Variants in PINLYP observed in about 807,000 individuals in gnomAD.
PINLYP encodes the protein phospholipase A2 inhibitor and Ly6/PLAUR domain-containing protein.
Under a neutral mutation model 15.8 loss-of-function variants are expected in PINLYP, and 12 were observed. The observed-to-expected ratio is 0.76, with a 90% confidence interval of 0.49 to 1.23. The LOEUF (loss-of-function observed/expected upper bound fraction) is 1.23. PINLYP is among the 50% of genes most tolerant of loss of function. PINLYP has a pLI of 0.00. For missense variants in PINLYP, 278 were observed against 264.2 expected (o/e 1.05, Z -0.36); for synonymous variants, 93 against 97.7 (o/e 0.95, Z 0.28).
chr19:43,576,499 T>C (rs1298384881), exon 1 of PINLYP, among the ~76,000 whole-genome samples: 3 of 151,430 alleles, frequency 2.0e-5, no homozygotes, highest in East Asian at 3.9e-4. Flanking sequence ...CACACACCCC[T>C]ATCCTGGAGT....
chr19:43,578,315 C>A (rs575574828), intron 2 of PINLYP, among the ~76,000 whole-genome samples: 1 of 152,320 alleles, frequency 6.6e-6, no homozygotes, highest in East Asian at 1.9e-4. Context: ...GCTTTCTCAG[C>A]GGACCCTGGC....
chr19:43,579,919 G>C (rs1009272574), intron 3 of PINLYP, among the ~76,000 whole-genome samples: 3 of 151,754 alleles, frequency 2.0e-5, no homozygotes, highest in Non-Finnish European at 1.5e-5. Flanking sequence ...AAATGGAAGA[G>C]AGAAGATGGG....
chr19:43,577,235 T>G, exon 2 of PINLYP: 1 of 1,536,084 alleles, frequency 6.5e-7, no homozygotes, highest in South Asian at 1.2e-5. Flanking sequence ...CTGGCCTTTG[T>G]GTTGCTCTGC....
chr19:43,581,976 A>G, exon 6 of PINLYP: 1 of 1,536,330 alleles, frequency 6.5e-7, no homozygotes, highest in Non-Finnish European at 8.7e-7. Context: ...TTCCTCCATC[A>G]TATAGAGTGC....
At position 43,581,441 on chromosome 19, in the gene PINLYP, C is replaced by G. The variant is rs367760685; in HGVS notation, c.340+77C>G. ...CTGTAGCCACTTGCTGGCTCTGAGC[C>G]TGTTTCCTTACCTGTAAAATGCAGT... On this transcript the variant is annotated intron_variant, in intron 4 of 5. Transcript: ENST00000599207. 1.1e-4 allele frequency: 166 copies of G among 1,520,638 alleles called. 1 individual carries two copies. The Middle Eastern group carries it at 5.4e-3, about 50-fold the overall frequency. The allele number at this position is 1,520,638 out of a possible 1,614,324, so 94.2% of individuals were successfully genotyped here. A position where few individuals can be genotyped will look rare whatever the true frequency, so the allele number is the denominator to read the frequency against.
chr19:43,581,741 C>T, intron 5 of PINLYP, 38 bp downstream of exon 5: 1 of 1,535,624 alleles, frequency 6.5e-7, no homozygotes, highest in Non-Finnish European at 8.7e-7. Flanking sequence ...GGAAACAGAA[C>T]TAGAGGTCCA....
chr19:43,577,929 T>C (rs559503426), intron 2 of PINLYP, among the ~76,000 whole-genome samples: 1 of 152,190 alleles, frequency 6.6e-6, no homozygotes, highest in South Asian at 2.1e-4. Context: ...ATTAATATCA[T>C]ATGATATATT....
chr19:43,580,768 A>G, intron 3 of PINLYP: 1 of 877,798 alleles, frequency 1.1e-6, no homozygotes. Context: ...GCCATGCACC[A>G]GACAGATTTG....
chr19:43,578,598 C>G, exon 3 of PINLYP: 1 of 1,535,636 alleles, frequency 6.5e-7, no homozygotes, highest in Non-Finnish European at 8.7e-7. Flanking sequence ...AGGGTGCCCA[C>G]TACACTGCGA....
At chr19:43,579,516 G>T (rs1306956751) in intron 3 of PINLYP, among the ~76,000 whole-genome samples, 1 of 151,372 alleles carries the variant, frequency 6.6e-6, no homozygotes, top group Non-Finnish European at 1.5e-5. Flanking sequence ...CAAAGTGCTG[G>T]GATTACAGGC....
At position 43,577,343 on chromosome 19, in the gene PINLYP, GAGAA is replaced by G. The variant is rs2146079949; in HGVS notation, c.70+86_70+89del. 1.4e-5 allele frequency: 19 copies of G among 1,384,632 alleles called. 1 individual carries two copies. In the South Asian group the frequency reaches 2.1e-4, roughly 15 times the overall value. 85.8% of individuals were successfully genotyped at this position (1,384,632 alleles called of 1,614,324 possible). On this transcript the variant is annotated intron_variant, in intron 2 of 5. Transcript: ENST00000599207. The stretch of plus-strand genomic sequence containing the variant: ...ATTGAGAGAGAGAGAGATATAGAGA[GAGAA>G]AGAGCCTTCAGCAAGTCCTCAAGGT...
intron 3 of PINLYP, chr19:43,580,743 A>G: frequency 6.7e-6 from 6 of 896,956 alleles, no homozygotes; most frequent in Non-Finnish European, 8.0e-6. Context: ...AGGGCTACCT[A>G]AGAAAGCACT....
At position 43,577,169 on chromosome 19, in the gene PINLYP, C is replaced by T; in HGVS notation, c.-23C>T. ...TCAGCTTCCTATAAAAGCTGGGGACCAGGTACTGCTGATACACACACCATG... is the reference window on the plus strand; with the variant it reads ...TCAGCTTCCTATAAAAGCTGGGGACTAGGTACTGCTGATACACACACCATG... On this transcript the variant is annotated 5_prime_UTR_variant, in exon 2 of 6. It introduces an in-frame stop codon into an upstream open reading frame of the 5' UTR. Transcript: ENST00000599207. 1 of 1,536,038 alleles carries T rather than the reference C, an allele frequency of 6.5e-7. No homozygotes were observed. Among genetic ancestry groups the T allele is most frequent in the Non-Finnish European group, 8.7e-7 (1 of 1,146,872 alleles).
chr19:43,578,142 G>C (rs1298685376), intron 2 of PINLYP, among the ~76,000 whole-genome samples: 2 of 151,986 alleles, frequency 1.3e-5, no homozygotes, highest in Non-Finnish European at 2.9e-5. Context: ...TCCTTGACCT[G>C]GGATGCAGAC....
At chr19:43,577,749 A>G (rs1428519502) in intron 2 of PINLYP, among the ~76,000 whole-genome samples, 1 of 147,092 alleles carries the variant, frequency 6.8e-6, no homozygotes, top group East Asian at 1.9e-4. Context: ...CTAAAAATAC[A>G]AAAAAAGTTA....
chr19:43,581,056 G>A (rs1972924636), intron 3 of PINLYP, 156 bp from the exon 4 acceptor site: 2 of 941,018 alleles, frequency 2.1e-6, no homozygotes, highest in Non-Finnish European at 3.0e-6. Context: ...GGGCAACTCC[G>A]TCTAAAAAAA....
chr19:43,578,648 G>A, exon 3 of PINLYP: 1 of 1,535,986 alleles, frequency 6.5e-7, no homozygotes, highest in South Asian at 1.2e-5. Context: ...ATGGCCAAAT[G>A]AAGACCTGCA....
chr19:43,579,013 G>A (rs1453898011), intron 3 of PINLYP: 2 of 319,312 alleles, frequency 6.3e-6, no homozygotes, highest in African/African-American at 2.2e-5. Flanking sequence ...CACTGTGGGG[G>A]GCAGAGAAAT....
At chr19:43,575,533 G>T, upstream of PINLYP, 1 of 1,512,926 alleles carries the variant, frequency 6.6e-7, no homozygotes, top group South Asian at 1.2e-5. Context: ...AGAGTGGGAG[G>T]GGGCGGGGTG....
Sources: gnomAD v4.1 joint callset for allele counts (sites outside exome capture counted in the v4.1 genomes callset) on GRCh38, gnomAD v4.1.1 for gene constraint, MANE v1.5 for transcripts, NCBI Gene and HGNC (gene_info 2026-07-23, HGNC 2026-07-21) for gene names.